The following ANKAR variants were observed in gnomAD, a reference collection of about 807,000 sequenced individuals.
The protein encoded by ANKAR is ankyrin and armadillo repeat-containing protein.
A neutral mutation model predicts 146.2 loss-of-function variants in ANKAR; 136 were observed. That is an observed-to-expected ratio of 0.93 (90% confidence interval 0.81 to 1.07). The LOEUF is 1.07. ANKAR is among the 50% of genes least tolerant of loss of function. The pLI is 0.00. For synonymous variants in ANKAR, 500 were observed against 575.8 expected (o/e 0.87, Z 1.88); for missense variants, 1,567 against 1,679.9 (o/e 0.93, Z 1.18).
chr2:189,698,741 C>T lies in ANKAR; in HGVS notation c.1708+2372C>T, dbSNP rs1009502224. Among the ~76,000 whole-genome samples the T allele has an allele frequency of 1.1e-4, 17 of 152,304 alleles. No individual in the cohort carries two copies. The South Asian group carries it at 2.3e-3, about 20-fold the overall frequency. ...CTCAGAGAGGGAGCCCGACCTCATT[C>T]TTCCTCCTCCAATCTCCTGCCAGAG... On this transcript the variant is annotated intron_variant, in intron 7 of 22. Coordinates refer to ENST00000684021, the MANE Select transcript of ANKAR (RefSeq NM_001378068.1).
chr2:189,758,295 C>T (rs539023638), intron 18 of ANKAR, among the ~76,000 whole-genome samples: 10 of 152,144 alleles, frequency 6.6e-5, no homozygotes, highest in South Asian at 4.2e-4. Context: ...GGGGGAGAAT[C>T]GCTTGAACCC....
At position 189,738,768 on chromosome 2, in the gene ANKAR, AC is replaced by A. The variant is rs1292386536; in HGVS notation, c.3700+87del. 5.2e-6 allele frequency: 4 copies of A among 770,896 alleles called. No homozygotes were observed. The Admixed American group carries it at 8.6e-5, about 17-fold the overall frequency. The allele number at this position is 770,896 out of a possible 1,614,324, so 47.8% of individuals were successfully genotyped here. ...GTAATCTGAATAATAATAAAATAAT[AC>A]GCCTGATACACTGCCACAAGTTTAA... On this transcript the variant is annotated intron_variant, in intron 19 of 22. Coordinates refer to ENST00000684021, the MANE Select transcript of ANKAR (RefSeq NM_001378068.1).
chr2:189,691,204 T>C (rs150651215), intron 3 of ANKAR, among the ~76,000 whole-genome samples: 2,821 of 152,162 alleles, frequency 0.019, 85 homozygotes, highest in African/African-American at 0.064. Context: ...TACAGCCACC[T>C]GCCACCATGC....
intron 18 of ANKAR, among the ~76,000 whole-genome samples, chr2:189,752,173 C>T (rs2045370812): frequency 6.6e-6 from 1 of 151,928 alleles, no homozygotes; most frequent in Admixed American, 6.6e-5. Context: ...AAAAACTGTG[C>T]TATTCACTGG....
chr2:189,757,396 A>G (rs950840671), intron 18 of ANKAR, among the ~76,000 whole-genome samples: 1 of 152,212 alleles, frequency 6.6e-6, no homozygotes, highest in Non-Finnish European at 1.5e-5. Flanking sequence ...CTGTTTCACA[A>G]TGATCTGCTT....
At chr2:189,712,583 A>G (rs2039858580) in intron 10 of ANKAR, among the ~76,000 whole-genome samples, 1 of 152,006 alleles carries the variant, frequency 6.6e-6, no homozygotes. Flanking sequence ...CAACATCAAC[A>G]AAAAGGACAT....
intron 2 of ANKAR, among the ~76,000 whole-genome samples, chr2:189,685,246 CT>C (rs199688691): frequency 1.1e-4 from 16 of 145,948 alleles, no homozygotes; most frequent in East Asian, 2.0e-4. Context: ...CTTTCTTTTT[CT>C]TTTTTTTTTG....
intron 3 of ANKAR, 84 bp downstream of exon 3, chr2:189,690,048 G>T: frequency 2.1e-6 from 2 of 951,956 alleles, no homozygotes; most frequent in Non-Finnish European, 1.4e-6. Context: ...CTAGTATATG[G>T]GTGCAGGCAG....
chr2:189,741,559 TATA>T, intron 20 of ANKAR, 108 bp downstream of exon 20: 1 of 608,040 alleles, frequency 1.6e-6, no homozygotes, highest in South Asian at 3.1e-5. Flanking sequence ...ATAGATATAA[TATA>T]ATTCTTATTA....
rs1353138625 is a variant in ANKAR at position 189,759,762 on chromosome 2, TA to T, written c.*585-1335del. Among the ~76,000 whole-genome samples the T allele has an allele frequency of 3.3e-5, 5 of 152,114 alleles. No individual in the cohort carries two copies. In the East Asian group the frequency reaches 5.8e-4, roughly 18 times the overall value. On this transcript the variant is annotated intron_variant and NMD_transcript_variant, in intron 18 of 18. Coordinates refer to the ANKAR transcript ENST00000441800. ...TTTTATTCTTATTTATTTATTTATT[TA>T]TTTTTTTAGTATTTATTGATCATTC...
At chr2:189,736,116 C>T (rs2042812507) in intron 17 of ANKAR, among the ~76,000 whole-genome samples, 1 of 152,136 alleles carries the variant, frequency 6.6e-6, no homozygotes, top group Non-Finnish European at 1.5e-5. Flanking sequence ...TGGGAATAGC[C>T]AACTTGGTTC....
chr2:189,751,449 T>C, downstream of ANKAR, among the ~76,000 whole-genome samples: 1 of 150,510 alleles, frequency 6.6e-6, no homozygotes, highest in South Asian at 2.1e-4. Flanking sequence ...GTTGTGTTTT[T>C]TTTTTTTTTT....
intron 9 of ANKAR, among the ~76,000 whole-genome samples, chr2:189,709,035 A>G (rs543323614): frequency 2.8e-4 from 43 of 152,266 alleles, no homozygotes; most frequent in African/African-American, 9.6e-4. Context: ...CTGGGAGGCA[A>G]AGTTGCAGTG....
At chr2:189,710,700 G>T (rs924040888) in intron 9 of ANKAR, among the ~76,000 whole-genome samples, 6 of 152,198 alleles carry the variant, frequency 3.9e-5, no homozygotes, top group Non-Finnish European at 5.9e-5. Context: ...TACTAGGAAG[G>T]CTGAGATGGT....
intron 7 of ANKAR, among the ~76,000 whole-genome samples, chr2:189,704,544 CATATATATATATATATATATATAT>C (rs10578902): frequency 0.04 from 1,444 of 36,490 alleles, 57 homozygotes; most frequent in Admixed American, 0.1. Context: ...CCTTTGTTAA[CATATATATATATATATATATATAT>C]ATATATATAT....
chr2:189,761,771 G>C, downstream of ANKAR: 1 of 1,105,226 alleles, frequency 9.0e-7, no homozygotes, highest in South Asian at 2.0e-5. Context: ...GTCACCAAAA[G>C]TTTGTAAAGG....
chr2:189,739,568 G>GTT (rs879643143), intron 19 of ANKAR, among the ~76,000 whole-genome samples: 24 of 144,032 alleles, frequency 1.7e-4, no homozygotes, highest in African/African-American at 2.0e-4. Context: ...AGACTCCACA[G>GTT]TTTTTTTTTT....
chr2:189,706,153 T>G (rs140116341), intron 8 of ANKAR, among the ~76,000 whole-genome samples: 14 of 151,996 alleles, frequency 9.2e-5, no homozygotes, highest in African/African-American at 3.4e-4. Context: ...TCCAGCACTT[T>G]GGGAGGCCAA....
chr2:189,711,353 T>C (rs2255705), intron 10 of ANKAR, among the ~76,000 whole-genome samples, 200 bp downstream of exon 10: 1 of 152,144 alleles, frequency 6.6e-6, no homozygotes, highest in Non-Finnish European at 1.5e-5. Flanking sequence ...TCAAAAAACT[T>C]TATCAATTCT....
Sources: allele counts gnomAD v4.1 joint callset (sites outside exome capture counted in the v4.1 genomes callset), GRCh38; gene constraint gnomAD v4.1.1; transcripts MANE v1.5; gene names NCBI Gene and HGNC (gene_info 2026-07-23, HGNC 2026-07-21).